The following IKBIP variants were observed in gnomAD, a reference collection of about 807,000 sequenced individuals.
IKBIP encodes inhibitor of nuclear factor kappa-B kinase-interacting protein.
IKBIP carries 28 observed loss-of-function variants against 31.0 expected under a neutral mutation model. The observed-to-expected ratio is 0.90, with a 90% CI of 0.67 to 1.24. IKBIP has a LOEUF of 1.24. Among genes scored for constraint, IKBIP ranks in the 50% most tolerant of loss-of-function variants. IKBIP has a pLI of 0.00. For synonymous variants in IKBIP, 164 were observed against 160.3 expected (o/e 1.02, Z -0.17); for missense variants, 453 against 441.9 (o/e 1.03, Z -0.23).
Position 98,625,679 on chromosome 12 carries a change from A to G in IKBIP, c.*251T>C. ...ATTAATGCTTTAAAAAACATTAAAA[A>G]TATTAAGTATCTTGTTTTAAAAGTA... On this transcript the variant is annotated 3_prime_UTR_variant, in exon 3 of 3. Transcript: ENST00000299157. 1 of 222,650 alleles carries G rather than the reference A, an allele frequency of 4.5e-6. No homozygotes were observed. Among genetic ancestry groups the G allele is most frequent in the Non-Finnish European group, 8.6e-6 (1 of 115,958 alleles). The allele number at this position is 222,650 out of a possible 1,614,324, so 13.8% of individuals were successfully genotyped here. A position where few individuals can be genotyped will look rare whatever the true frequency, so the allele number is the denominator to read the frequency against.
At chr12:98,631,791 C>CAAAA (rs750178337) in intron 2 of IKBIP, among the ~76,000 whole-genome samples, 7 of 81,790 alleles carry the variant, frequency 8.6e-5, no homozygotes, top group Admixed American at 3.8e-4. Context: ...ACCTCCCCCA[C>CAAAA]AAAAAAAAAA....
At chr12:98,635,566 A>T (rs530835967) in intron 1 of IKBIP, among the ~76,000 whole-genome samples, 2 of 152,368 alleles carry the variant, frequency 1.3e-5, no homozygotes, top group African/African-American at 4.8e-5. Context: ...AGAGGAGGAC[A>T]AAGTGAAAAA....
chr12:98,643,426 T>C (rs1358254473), intron 1 of IKBIP, among the ~76,000 whole-genome samples: 1 of 151,876 alleles, frequency 6.6e-6, no homozygotes, highest in East Asian at 1.9e-4. Context: ...GAATGAAAAA[T>C]GGAGAAAAAT....
rs2097612686 is a variant in IKBIP at position 98,624,789 on chromosome 12, C to G, written c.*1141G>C. On this transcript the variant is annotated 3_prime_UTR_variant, in exon 3 of 3. Coordinates refer to ENST00000299157, the MANE Select transcript of IKBIP (RefSeq NM_153687.4). Reference sequence around the variant, plus strand: ...ATGTTACTTTTCCCTCAAAACAGGCCACAGGCTTATTTTTATTTATTTATT... The same window carrying G: ...ATGTTACTTTTCCCTCAAAACAGGCGACAGGCTTATTTTTATTTATTTATT... 1.2e-6 allele frequency: 1 copy of G among 869,238 alleles called. No homozygotes were observed. The highest frequency in any genetic ancestry group is 6.2e-5 in the Admixed American group (1 of 16,054). The allele number at this position is 869,238 out of a possible 1,614,324, so 53.8% of individuals were successfully genotyped here. A position where few individuals can be genotyped will look rare whatever the true frequency, so the allele number is the denominator to read the frequency against.
chr12:98,614,346 A>C (rs2097605094), intron 2 of IKBIP: 1 of 1,443,922 alleles, frequency 6.9e-7, no homozygotes, highest in South Asian at 1.3e-5. Flanking sequence ...TGCCACTATA[A>C]GAAAATATAA....
intron 2 of IKBIP, among the ~76,000 whole-genome samples, chr12:98,616,254 C>A (rs941327723): frequency 2.6e-5 from 4 of 152,060 alleles, no homozygotes; most frequent in Admixed American, 2.0e-4. Context: ...TGATGTTGAG[C>A]ATTTTTTTCC....
chr12:98,631,430 G>A (rs572994559), intron 2 of IKBIP, among the ~76,000 whole-genome samples: 4 of 150,164 alleles, frequency 2.7e-5, no homozygotes, highest in South Asian at 4.2e-4. Flanking sequence ...ACAGACACAC[G>A]CTACCATGCC....
chr12:98,629,376 T>TCAAA (rs61111913), intron 2 of IKBIP, among the ~76,000 whole-genome samples: 40,094 of 149,916 alleles, frequency 0.27, 6,230 homozygotes, highest in East Asian at 0.44. Flanking sequence ...CCTGTCTCTA[T>TCAAA]CAAACAAACA....
chr12:98,613,415 A>G lies in IKBIP; in HGVS notation c.*170T>C, dbSNP rs1592984983. 6.4e-6 allele frequency: 3 copies of G among 469,578 alleles called. No individual in the cohort carries two copies. In the East Asian group the frequency reaches 1.1e-4, roughly 17 times the overall value. 29.1% of individuals were successfully genotyped at this position (469,578 alleles called of 1,614,324 possible). ...TAAAGTTGCAAAAATAGGTTTTAGCATATTTATTTTGGAAAATCAACCTGT... is the reference window on the plus strand; with the variant it reads ...TAAAGTTGCAAAAATAGGTTTTAGCGTATTTATTTTGGAAAATCAACCTGT... On this transcript the variant is annotated 3_prime_UTR_variant, in exon 3 of 3. Transcript: ENST00000342502.
chr12:98,616,103 C>G (rs561329657), intron 2 of IKBIP, among the ~76,000 whole-genome samples: 15 of 152,084 alleles, frequency 9.9e-5, no homozygotes, highest in Admixed American at 5.9e-4. Context: ...TATACTTTCC[C>G]ACTCACAGTG....
rs2097614484 is a variant in IKBIP at position 98,626,466 on chromosome 12, C to G, written c.598G>C (p.Glu200Gln). Residue 200 changes from glutamate to glutamine, a missense_variant, in exon 3 of 3, where the codon GAA becomes CAA. Transcript: ENST00000299157. ...CTATCTTCCAAATCTTTTAGCCGTT[C>G]AGTGAGCAATTTTATTTCCTGCTCA... is the stretch of plus-strand genomic sequence containing the variant. The part of the protein sequence containing the change: ...SAEQEIKLLT[E>Q]RLKDLEDSTL... 6.2e-7 allele frequency: 1 copy of G among 1,613,220 alleles called. No individual in the cohort carries two copies. The highest frequency in any genetic ancestry group is 1.3e-5 in the African/African-American group (1 of 74,934).
chr12:98,635,953 G>A (rs895686673), intron 1 of IKBIP, among the ~76,000 whole-genome samples: 1 of 152,166 alleles, frequency 6.6e-6, no homozygotes, highest in Admixed American at 6.5e-5. Flanking sequence ...TTCATTATGG[G>A]TGGAAGCCCA....
At chr12:98,632,512 A>ATATAT (rs1229157530) in intron 2 of IKBIP, among the ~76,000 whole-genome samples, 1 of 22,796 alleles carries the variant, frequency 4.4e-5, no homozygotes, top group African/African-American at 1.7e-4. Flanking sequence ...AAAAAAAAAA[A>ATATAT]ATATATATAT....
rs779655480 is a variant in IKBIP, at chr12:98,625,993, T to G, written c.1071A>C (p.Thr357=). The G allele has an allele frequency of 2.7e-6, 4 of 1,497,682 alleles. No homozygotes were observed. The allele number at this position is 1,497,682 out of a possible 1,614,324, so 92.8% of individuals were successfully genotyped here. Residue 357 remains threonine (T), a synonymous_variant, in exon 3 of 3, where the codon ACA becomes ACC. Transcript: ENST00000299157. ...KVHDFIAYSS[T]GEKGTLKEYN... Reference sequence around the variant, plus strand: ...ATTCTTTTAAAGTTCCCTTTTCTCCTGTACTTGAGTATGCTATAAAATCAT... The same window carrying G: ...ATTCTTTTAAAGTTCCCTTTTCTCCGGTACTTGAGTATGCTATAAAATCAT...
chr12:98,630,549 G>T (rs937843409), intron 2 of IKBIP, among the ~76,000 whole-genome samples: 1 of 151,992 alleles, frequency 6.6e-6, no homozygotes, highest in African/African-American at 2.4e-5. Context: ...CAACAACGTT[G>T]TTTCGATGTC....
At chr12:98,613,973 A>G in exon 3 of IKBIP, 1 of 1,612,560 alleles carries the variant, frequency 6.2e-7, no homozygotes. Context: ...TGTTCGATCA[A>G]TACTGCTTGA....
intron 1 of IKBIP, among the ~76,000 whole-genome samples, chr12:98,641,538 C>T (rs893871919): frequency 6.6e-6 from 1 of 152,094 alleles, no homozygotes; most frequent in Non-Finnish European, 1.5e-5. Context: ...AAATATTTTG[C>T]AATAAACAGC....
At chr12:98,617,359 T>C (rs750951175) in intron 2 of IKBIP, among the ~76,000 whole-genome samples, 3 of 152,252 alleles carry the variant, frequency 2.0e-5, no homozygotes, top group Non-Finnish European at 2.9e-5. Flanking sequence ...TTGATTTAAC[T>C]TGGACACATT....
chr12:98,636,280 G>C (rs941876961), intron 1 of IKBIP, among the ~76,000 whole-genome samples: 1 of 152,184 alleles, frequency 6.6e-6, no homozygotes, highest in African/African-American at 2.4e-5. Flanking sequence ...ATTGGCTTGG[G>C]ATGTGGCTTG....
Sources: gnomAD v4.1 joint callset for allele counts (sites outside exome capture counted in the v4.1 genomes callset) on GRCh38, gnomAD v4.1.1 for gene constraint, MANE v1.5 for transcripts, NCBI Gene and HGNC (gene_info 2026-07-23, HGNC 2026-07-21) for gene names.